Variants in CCDC25 observed in about 807,000 individuals in gnomAD.
CCDC25 encodes the protein coiled-coil domain-containing protein 25.
A neutral mutation model predicts 35.3 loss-of-function variants in CCDC25; 16 were observed. That is an observed-to-expected ratio of 0.45 (90% confidence interval 0.31 to 0.69). The LOEUF (loss-of-function observed/expected upper bound fraction) is 0.69, where lower values mean the gene tolerates loss of function less well. Ranked by LOEUF, CCDC25 falls within the 30% of genes least tolerant of loss-of-function variation. CCDC25 has a pLI of 0.06. For missense variants in CCDC25, 179 were observed against 250.7 expected (o/e 0.71, Z 1.93); for synonymous variants, 79 against 80.3 (o/e 0.98, Z 0.09).
rs2128939062 is a variant in CCDC25 at position 27,748,342 on chromosome 8, T to A, written c.349-63A>T. On this transcript the variant is annotated intron_variant, in intron 6 of 8. Coordinates refer to ENST00000356537, the MANE Select transcript of CCDC25 (RefSeq NM_018246.3). ...TGTTTTTTTTCTCCCAGAAGAGGGA[T>A]GAGGCTTTCCAGGGGTTTAGCAACC... 4 of 1,495,284 alleles carry A rather than the reference T, an allele frequency of 2.7e-6. No individual in the cohort carries two copies. In the Admixed American group the frequency reaches 5.3e-5, roughly 20 times the overall value. 92.6% of individuals were successfully genotyped at this position (1,495,284 alleles called of 1,614,324 possible).
At chr8:27,760,666 C>T (rs922772577) in intron 3 of CCDC25, among the ~76,000 whole-genome samples, 2 of 152,178 alleles carry the variant, frequency 1.3e-5, no homozygotes, top group Non-Finnish European at 2.9e-5. Context: ...CTTACTGTCT[C>T]AGGCCCTAGG....
chr8:27,738,822 T>C (rs1389717538), intron 8 of CCDC25, among the ~76,000 whole-genome samples: 1 of 152,214 alleles, frequency 6.6e-6, no homozygotes, highest in Non-Finnish European at 1.5e-5. Context: ...GACTACTGTT[T>C]AGTGTTAAAC....
At chr8:27,763,693 G>A (rs1804304479) in intron 2 of CCDC25, among the ~76,000 whole-genome samples, 1 of 152,108 alleles carries the variant, frequency 6.6e-6, no homozygotes, top group African/African-American at 2.4e-5. Context: ...ACTCCAGCCT[G>A]GGTGACAGAG....
intron 3 of CCDC25, among the ~76,000 whole-genome samples, chr8:27,760,423 A>G (rs773452156): frequency 1.3e-5 from 2 of 152,160 alleles, no homozygotes; most frequent in Non-Finnish European, 2.9e-5. Flanking sequence ...GAGAGTCTGG[A>G]GATCTTTAAA....
chr8:27,736,563 C>G (rs567587482), intron 8 of CCDC25, among the ~76,000 whole-genome samples: 1 of 152,302 alleles, frequency 6.6e-6, no homozygotes, highest in African/African-American at 2.4e-5. Context: ...GAAAACATGA[C>G]AGATCCTTCA....
Position 27,737,882 on chromosome 8 carries a change from A to T in CCDC25, c.598-1637T>A, listed in dbSNP as rs1563440462. On this transcript the variant is annotated intron_variant, in intron 8 of 8. Coordinates refer to ENST00000356537, the MANE Select transcript of CCDC25 (RefSeq NM_018246.3). The surrounding 1 kb of genome is among the most constrained non-coding windows in gnomAD (Gnocchi z 4.6). ...GAAACTGTGGTGTGTGTATACACACACTCACACACACACACACACACACAC... is the reference window on the plus strand; with the variant it reads ...GAAACTGTGGTGTGTGTATACACACTCTCACACACACACACACACACACAC... Among the ~76,000 whole-genome samples, 2 of 135,824 alleles carry T rather than the reference A, an allele frequency of 1.5e-5. No individual in the cohort carries two copies. Among genetic ancestry groups the T allele is most frequent in the South Asian group, 2.5e-4 (1 of 3,922 alleles). The allele number at this position is 135,824 out of a possible 152,430, so 89.1% of individuals were successfully genotyped here.
intron 1 of CCDC25, among the ~76,000 whole-genome samples, chr8:27,770,203 A>C (rs1392894556): frequency 6.6e-6 from 1 of 152,172 alleles, no homozygotes; most frequent in African/African-American, 2.4e-5. Flanking sequence ...GCACTTTGGG[A>C]GGTTAAGGTG....
chr8:27,746,369 C>T (rs1803602772), intron 7 of CCDC25, among the ~76,000 whole-genome samples: 1 of 152,086 alleles, frequency 6.6e-6, no homozygotes, highest in African/African-American at 2.4e-5. Flanking sequence ...TGACAGAATG[C>T]AGTAAAGCAC....
At chr8:27,749,463 C>T (rs915084887) in intron 5 of CCDC25, among the ~76,000 whole-genome samples, 2 of 152,244 alleles carry the variant, frequency 1.3e-5, no homozygotes, top group African/African-American at 2.4e-5. Context: ...ATGTGCAAAA[C>T]TTCACTTATG....
chr8:27,749,734 C>G (rs945025312), intron 5 of CCDC25, among the ~76,000 whole-genome samples: 1 of 151,484 alleles, frequency 6.6e-6, no homozygotes, highest in Non-Finnish European at 1.5e-5. Flanking sequence ...GACTGTATAT[C>G]AGAACACAGT....
intron 7 of CCDC25, 149 bp downstream of exon 7, chr8:27,747,928 T>A: frequency 1.4e-6 from 1 of 724,062 alleles, no homozygotes; most frequent in South Asian, 1.9e-5. Flanking sequence ...AATGCCTTTT[T>A]TTAAAAAACT....
chr8:27,754,289 C>G (rs1803918519), intron 4 of CCDC25, among the ~76,000 whole-genome samples: 1 of 151,896 alleles, frequency 6.6e-6, no homozygotes, highest in South Asian at 2.1e-4. Flanking sequence ...TGCAGCCAGT[C>G]AAAATAACAA....
At chr8:27,769,383 A>C (rs1299814342) in intron 1 of CCDC25, among the ~76,000 whole-genome samples, 2 of 152,184 alleles carry the variant, frequency 1.3e-5, no homozygotes, top group East Asian at 1.9e-4. Context: ...ACTAACACTT[A>C]AAGAATTCAG....
chr8:27,745,675 C>G (rs1563445830), intron 7 of CCDC25, among the ~76,000 whole-genome samples: 4 of 152,244 alleles, frequency 2.6e-5, no homozygotes, highest in African/African-American at 9.6e-5. Flanking sequence ...CTGCAGAACA[C>G]AGCAAACGGC....
chr8:27,739,972 T>C (rs1253840630), intron 8 of CCDC25, among the ~76,000 whole-genome samples: 2 of 152,218 alleles, frequency 1.3e-5, no homozygotes, highest in East Asian at 1.9e-4. Context: ...TAGGTCACCA[T>C]CTGTTTCTAT....
chr8:27,740,840 T>A (rs1030105499), intron 7 of CCDC25, among the ~76,000 whole-genome samples: 2 of 152,196 alleles, frequency 1.3e-5, no homozygotes, highest in East Asian at 1.9e-4. Context: ...ACAGCCAAGA[T>A]CTGATAAGAT....
intron 2 of CCDC25, among the ~76,000 whole-genome samples, chr8:27,763,454 ACGC>A (rs1407523320): frequency 1.3e-5 from 2 of 152,240 alleles, no homozygotes; most frequent in African/African-American, 4.8e-5. Context: ...ACAGTGGCTT[ACGC>A]CTGTAATCCC....
At chr8:27,755,342 C>G (rs1803961895) in intron 4 of CCDC25, among the ~76,000 whole-genome samples, 1 of 152,196 alleles carries the variant, frequency 6.6e-6, no homozygotes. Flanking sequence ...CCAGCTGAAG[C>G]TGCAACAATA....
chr8:27,752,644 G>A, intron 4 of CCDC25, 57 bp from the exon 5 acceptor site: 1 of 1,332,002 alleles, frequency 7.5e-7, no homozygotes, highest in Non-Finnish European at 1.1e-6. Flanking sequence ...TGACACTGGA[G>A]CACTCAAAGG....
Sources: gnomAD v4.1 joint callset for allele counts (sites outside exome capture counted in the v4.1 genomes callset) on GRCh38, gnomAD v4.1.1 for gene constraint, Gnocchi (gnomAD v3.1) non-coding constraint, MANE v1.5 for transcripts, NCBI Gene and HGNC (gene_info 2026-07-23, HGNC 2026-07-21) for gene names.